MROH1: variants seen among roughly 807,000 people sequenced by gnomAD.
The protein encoded by MROH1 is maestro heat-like repeat-containing protein family member 1.
Under a neutral mutation model 116.5 loss-of-function variants are expected in MROH1, and 117 were observed. The observed-to-expected ratio is 1.00, with a 90% CI of 0.86 to 1.17. The LOEUF (loss-of-function observed/expected upper bound fraction) is 1.17, where lower values mean the gene tolerates loss of function less well. MROH1 is among the 50% of genes most tolerant of loss of function. MROH1 has a pLI of 0.00. For synonymous variants in MROH1, 921 were observed against 583.9 expected (o/e 1.58, Z -8.32); for missense variants, 1,873 against 1,338.5 (o/e 1.40, Z -6.23).
rs1444160461 is a variant in MROH1 at position 144,175,684 on chromosome 8, G to A, written c.169-3771G>A. 9.0e-6 allele frequency: 5 copies of A among 558,386 alleles called. No homozygotes were observed. The African/African-American group carries it at 1.0e-4, about 12-fold the overall frequency. 34.6% of individuals were successfully genotyped at this position (558,386 alleles called of 1,614,324 possible). On this transcript the variant is annotated intron_variant, in intron 4 of 43. Coordinates refer to ENST00000326134, the MANE Select transcript of MROH1 (RefSeq NM_032450.3). ...CACGCCTGTAATCCCAGCACTTTGG[G>A]AGCCTGAGACAAGAGGATCGCTTGA...
In MROH1 at chr8:144,185,953, G is replaced by A. The variant is rs750726334; in HGVS notation, c.563-4831G>A. ...GGACCACAAGGGACCAGCAAGGGCC[G>A]CCGAGGGGACCGCGTGCCCAGTGCA... On this transcript the variant is annotated intron_variant, in intron 7 of 43. Coordinates refer to ENST00000326134, the MANE Select transcript of MROH1 (RefSeq NM_032450.3). Among the ~76,000 whole-genome samples, 17 of 151,794 alleles carry A rather than the reference G, an allele frequency of 1.1e-4. No individual in the cohort carries two copies. The Middle Eastern group carries it at 0.01, about 91-fold the overall frequency.
At chr8:144,211,682 C>T (rs553791475) in intron 12 of MROH1, among the ~76,000 whole-genome samples, 3 of 150,868 alleles carry the variant, frequency 2.0e-5, no homozygotes, top group East Asian at 3.9e-4. Flanking sequence ...GCCAAGATTG[C>T]GACACTGCAC....
chr8:144,228,931 A>G (rs555796554), intron 14 of MROH1, among the ~76,000 whole-genome samples: 1 of 152,302 alleles, frequency 6.6e-6, no homozygotes, highest in South Asian at 2.1e-4. Context: ...TTATCAACTA[A>G]GTTTATGGAA....
Position 144,163,936 on chromosome 8 carries a change from A to C in MROH1, c.22+88A>C. 2 of 1,439,110 alleles carry C rather than the reference A, an allele frequency of 1.4e-6. No individual in the cohort carries two copies. The highest frequency in any genetic ancestry group is 1.2e-5 in the South Asian group (1 of 84,476). The allele number at this position is 1,439,110 out of a possible 1,614,324, so 89.1% of individuals were successfully genotyped here. On this transcript the variant is annotated intron_variant, in intron 3 of 43. Coordinates refer to ENST00000326134, the MANE Select transcript of MROH1 (RefSeq NM_032450.3). The surrounding 1 kb of genome is among the most constrained non-coding windows in gnomAD (Gnocchi z 4.4). ...GCAGGCCAAGGCTCTTACCAGCTCC[A>C]ATGGTGCCTAGAGTTTCCACCCTAT...
Position 144,180,204 on chromosome 8 carries a change from G to A in MROH1, c.327G>A (p.Ala109=), listed in dbSNP as rs375436190. ...ACCTGGTCTGGGACTGGCAGCAGGCGGCGAGTGGCGTCCTGGTGGCCGTGG... is the reference window on the plus strand; with the variant it reads ...ACCTGGTCTGGGACTGGCAGCAGGCAGCGAGTGGCGTCCTGGTGGCCGTGG... ...TKDLVWDWQQ[A]ASGVLVAVGR... The change falls in exon 6 of 44, where the codon GCG becomes GCA. Residue 109 remains alanine (A), a synonymous_variant. Transcript: ENST00000326134. The surrounding 1 kb of genome is among the most constrained non-coding windows in gnomAD (Gnocchi z 7.4). The A allele has an allele frequency of 1.4e-4, 224 of 1,613,902 alleles. No homozygotes were observed. Among genetic ancestry groups the A allele is most frequent in the Non-Finnish European group, 1.6e-4 (194 of 1,179,850 alleles).
chr8:144,261,784 G>A lies in MROH1; in HGVS notation c.*44G>A, dbSNP rs1845134277. On this transcript the variant is annotated 3_prime_UTR_variant, in exon 44 of 44. Transcript: ENST00000326134. ...CAGCGAGGAGTATGCACCCAGACCT[G>A]TGCCTGAGCTCCAAGACAGGGCCTC... 2 of 701,700 alleles carry A rather than the reference G, an allele frequency of 2.9e-6. No homozygotes were observed. The highest frequency in any genetic ancestry group is 2.6e-6 in the Non-Finnish European group (1 of 384,942). The allele number at this position is 701,700 out of a possible 1,614,324, so 43.5% of individuals were successfully genotyped here. A position where few individuals can be genotyped will look rare whatever the true frequency, so the allele number is the denominator to read the frequency against.
intron 4 of MROH1, 145 bp from the exon 5 acceptor site, chr8:144,179,310 G>A (rs1180306571): frequency 1.7e-6 from 2 of 1,203,558 alleles, no homozygotes; most frequent in East Asian, 5.1e-5. Flanking sequence ...TTTAGGGCGT[G>A]AGGAGTGATC....
intron 14 of MROH1, among the ~76,000 whole-genome samples, chr8:144,229,450 C>T (rs1838424703): frequency 6.8e-6 from 1 of 147,988 alleles, no homozygotes; most frequent in Admixed American, 6.8e-5. Flanking sequence ...GTGGCTCCAT[C>T]ACAGCTCACT....
At chr8:144,156,570 G>A (rs1587721832) in intron 1 of MROH1, among the ~76,000 whole-genome samples, 2 of 151,212 alleles carry the variant, frequency 1.3e-5, no homozygotes, top group Admixed American at 6.6e-5. Context: ...TTAGCCAGGC[G>A]TGATGGTGTG....
chr8:144,236,896 CTTTTTT>C (rs1164804321), intron 14 of MROH1, among the ~76,000 whole-genome samples: 4 of 69,320 alleles, frequency 5.8e-5, no homozygotes, highest in Non-Finnish European at 1.1e-4. Flanking sequence ...TCTCCTATTC[CTTTTTT>C]TTTTTTTTTT....
rs1841432782 is a variant in MROH1 at position 144,243,932 on chromosome 8, A to G, written c.2545A>G (p.Thr849Ala). 2 of 780,358 alleles carry G rather than the reference A, an allele frequency of 2.6e-6. No homozygotes were observed. Among genetic ancestry groups the G allele is most frequent in the Non-Finnish European group, 4.8e-6 (2 of 417,676 alleles). The allele number at this position is 780,358 out of a possible 1,614,324, so 48.3% of individuals were successfully genotyped here. Residue 849 changes from threonine (T) to alanine (A), a missense_variant, in exon 26 of 44, where the codon ACT becomes GCT. Thr to Ala is a moderately conservative substitution (Grantham distance 58, BLOSUM62 0). Transcript: ENST00000326134. ...PIRKKAMLTC[T>A]YLVSVEPALD... Reference sequence around the variant, plus strand: ...TCGGAAGAAAGCCATGCTCACCTGCACTTACTTGGTGTATCCTTTCCTGCC... The same window carrying G: ...TCGGAAGAAAGCCATGCTCACCTGCGCTTACTTGGTGTATCCTTTCCTGCC...
intron 14 of MROH1, among the ~76,000 whole-genome samples, chr8:144,233,605 C>T (rs1156297686): frequency 2.0e-5 from 3 of 152,160 alleles, no homozygotes; most frequent in African/African-American, 4.8e-5. Flanking sequence ...CAGCGTTTGT[C>T]CTTTTGTGTC....
chr8:144,260,193 C>T lies in MROH1; in HGVS notation c.4199C>T (p.Thr1400Ile), dbSNP rs1250035871. The change falls in exon 39 of 44, where the codon ACC (threonine) becomes ATC (isoleucine). Residue 1400 changes from threonine to isoleucine, a missense_variant. By Grantham distance (89) the Thr-to-Ile change is moderately conservative. Coordinates refer to ENST00000326134, the MANE Select transcript of MROH1 (RefSeq NM_032450.3). ...AGTGTAAGGTATCCTCAGGTGCGAA[C>T]CCACGGCCCCCAGCTCCTCACAGCC... ...LASGCPDKVR[T>I]HGPQLLTAMI... 4.2e-5 allele frequency: 32 copies of T among 764,958 alleles called. No homozygotes were observed. Among genetic ancestry groups the T allele is most frequent in the Middle Eastern group, 2.3e-4 (1 of 4,318 alleles). The allele number at this position is 764,958 out of a possible 1,614,324, so 47.4% of individuals were successfully genotyped here. A position where few individuals can be genotyped will look rare whatever the true frequency, so the allele number is the denominator to read the frequency against.
chr8:144,242,140 A>C, intron 22 of MROH1: 1 of 617,854 alleles, frequency 1.6e-6, no homozygotes, highest in Non-Finnish European at 2.9e-6. Context: ...GTTACTCGGT[A>C]CCCAGTGGGC....
intron 37 of MROH1, among the ~76,000 whole-genome samples, chr8:144,259,639 C>T (rs1352762027): frequency 6.6e-6 from 1 of 152,228 alleles, no homozygotes; most frequent in African/African-American, 2.4e-5. Context: ...CCCCTGGGAC[C>T]CCAGGTGCCC....
intron 4 of MROH1, 137 bp downstream of exon 4, chr8:144,168,577 C>T: frequency 2.0e-6 from 2 of 1,002,682 alleles, no homozygotes; most frequent in South Asian, 1.7e-5. Flanking sequence ...TAACCCCCTC[C>T]ACACGTGCCT....
chr8:144,203,373 C>A (rs961088611), intron 12 of MROH1, among the ~76,000 whole-genome samples: 7 of 138,302 alleles, frequency 5.1e-5, no homozygotes, highest in African/African-American at 1.9e-4. Context: ...GGGGAGCGCT[C>A]GCTCTGTGTG....
At chr8:144,165,279 C>T (rs1353497632) in intron 3 of MROH1, among the ~76,000 whole-genome samples, 3 of 151,732 alleles carry the variant, frequency 2.0e-5, no homozygotes, top group Admixed American at 1.3e-4. Flanking sequence ...CCACCATGTC[C>T]GACTAATTTT....
intron 12 of MROH1, among the ~76,000 whole-genome samples, chr8:144,203,329 A>G (rs544581743): frequency 3.4e-3 from 60 of 17,870 alleles, no homozygotes; most frequent in Non-Finnish European, 5.5e-3. Flanking sequence ...AGGGGCTGGG[A>G]GGGGAGCGCC....
Sources: gnomAD v4.1 joint callset for allele counts (sites outside exome capture counted in the v4.1 genomes callset) on GRCh38, gnomAD v4.1.1 for gene constraint, Gnocchi (gnomAD v3.1) non-coding constraint, MANE v1.5 for transcripts, NCBI Gene and HGNC (gene_info 2026-07-23, HGNC 2026-07-21) for gene names.